Variants in SEC14L6 observed in about 807,000 individuals in gnomAD.
SEC14L6 encodes SEC14-like protein 6.
SEC14L6 carries 40 observed loss-of-function variants against 54.1 expected under a neutral mutation model. The ratio of observed to expected loss-of-function variants is 0.74; its 90% CI spans 0.57 to 0.96. The LOEUF (loss-of-function observed/expected upper bound fraction) is 0.96, where lower values mean the gene tolerates loss of function less well. Among genes scored for constraint, SEC14L6 ranks in the 40% least tolerant of loss-of-function variants. The pLI is 0.00. For missense variants in SEC14L6, 471 were observed against 498.3 expected, an observed-to-expected ratio of 0.95 and a Z score of 0.52; for synonymous variants, 171 against 198.4, an observed-to-expected ratio of 0.86 and a Z score of 1.16.
rs964589584 is a variant in SEC14L6, at chr22:30,529,131, G to A, written c.620C>T (p.Ser207Phe). 1.4e-5 allele frequency: 21 copies of A among 1,551,206 alleles called. No homozygotes were observed. Among genetic ancestry groups the A allele is most frequent in the Middle Eastern group, 3.3e-4 (2 of 6,012 alleles). Residue 207 changes from serine (S) to phenylalanine (F), a missense_variant, in exon 8 of 12, where the codon TCT becomes TTT. Physicochemically the swap from Ser to Phe is radical, Grantham distance 155. Coordinates refer to ENST00000402034, the MANE Select transcript of SEC14L6 (RefSeq NM_001193336.4). ...LFAVAFNLVK[S>F]YMSEETRRKV... is the part of the protein sequence containing the mutation. ...CCTGCGTGTCTCTTCACTCATGTAA[G>A]ACTTGACCAGGTTGAAGGCTACGGC...
intron 2 of SEC14L6, among the ~76,000 whole-genome samples, chr22:30,536,097 A>G (rs1057311649): frequency 6.6e-6 from 1 of 151,976 alleles, no homozygotes; most frequent in Non-Finnish European, 1.5e-5. Context: ...CCTGGACTCA[A>G]TCAATCCTCC....
chr22:30,544,337 C>T (rs2085776637), intron 1 of SEC14L6: 2 of 354,106 alleles, frequency 5.6e-6, no homozygotes, highest in Non-Finnish European at 1.0e-5. Context: ...TGGGAAGCGG[C>T]CAGAACTGCC....
At chr22:30,538,746 A>G in intron 2 of SEC14L6, 81 bp downstream of exon 2, 1 of 914,474 alleles carries the variant, frequency 1.1e-6, no homozygotes, top group Non-Finnish European at 1.7e-6. Flanking sequence ...GTTTTGGAGT[A>G]ATTTGATACA....
At chr22:30,537,988 A>G (rs1393296078) in intron 2 of SEC14L6, among the ~76,000 whole-genome samples, 3 of 152,176 alleles carry the variant, frequency 2.0e-5, no homozygotes, top group Admixed American at 1.3e-4. Context: ...TCTGTCTTTG[A>G]CAGTTCCCTC....
chr22:30,536,161 C>T (rs2085596526), intron 2 of SEC14L6, among the ~76,000 whole-genome samples: 1 of 152,068 alleles, frequency 6.6e-6, no homozygotes, highest in South Asian at 2.1e-4. Context: ...CTAGCCCAGC[C>T]TTGTCATAAG....
intron 2 of SEC14L6, 63 bp from the exon 3 acceptor site, chr22:30,534,102 G>C: frequency 6.7e-7 from 1 of 1,492,678 alleles, no homozygotes; most frequent in East Asian, 2.5e-5. Flanking sequence ...CTTCTGGAGA[G>C]ACAACGGCCC....
rs1936652197 is a variant in SEC14L6 at position 30,522,904 on chromosome 22, T to C, written c.*2093A>G. On this transcript the variant is annotated 3_prime_UTR_variant, in exon 12 of 12. Transcript: ENST00000402034. ...AGTGTGGTCCATCCATACAGTGGTATATTACTCAGCAACGAAAAGCAACTA... is the reference window on the plus strand; with the variant it reads ...AGTGTGGTCCATCCATACAGTGGTACATTACTCAGCAACGAAAAGCAACTA... The C allele has an allele frequency of 6.6e-6, 1 of 152,214 alleles. No individual in the cohort carries two copies. The highest frequency in any genetic ancestry group is 1.5e-5 in the Non-Finnish European group (1 of 68,052). The allele number at this position is 152,214 out of a possible 1,614,324, so 9.4% of individuals were successfully genotyped here. A position where few individuals can be genotyped will look rare whatever the true frequency, so the allele number is the denominator to read the frequency against.
intron 2 of SEC14L6, among the ~76,000 whole-genome samples, chr22:30,537,102 T>C (rs1182916790): frequency 2.7e-5 from 4 of 150,820 alleles, no homozygotes; most frequent in Non-Finnish European, 5.9e-5. Context: ...GCTCAAAATA[T>C]GAAAGTATTT....
chr22:30,542,124 C>A (rs1465732536), intron 1 of SEC14L6, among the ~76,000 whole-genome samples: 1 of 152,180 alleles, frequency 6.6e-6, no homozygotes, highest in Non-Finnish European at 1.5e-5. Flanking sequence ...CTGCCCACAC[C>A]GCGACCCTCC....
chr22:30,531,803 T>C, intron 6 of SEC14L6, 100 bp downstream of exon 6: 6 of 790,310 alleles, frequency 7.6e-6, no homozygotes, highest in Non-Finnish European at 1.0e-5. Context: ...CACCTGGCAG[T>C]GAGGAGAGAG....
At chr22:30,529,768 TG>T (rs963478961) in intron 6 of SEC14L6, among the ~76,000 whole-genome samples, 6 of 151,566 alleles carry the variant, frequency 4.0e-5, no homozygotes, top group African/African-American at 1.2e-4. Context: ...GACAGATGAG[TG>T]GGGGGATAAC....
chr22:30,546,627 A>G lies in SEC14L6; in HGVS notation c.54+2T>C, dbSNP rs1195842197. 3 of 1,550,100 alleles carry G rather than the reference A, an allele frequency of 1.9e-6. No homozygotes were observed. The highest frequency in any genetic ancestry group is 1.7e-6 in the Non-Finnish European group (2 of 1,146,862). On this transcript the variant is annotated splice_donor_variant, in intron 1 of 11. Transcript: ENST00000402034. LOFTEE classifies it high-confidence loss of function. ...GGTGTAGGAGTCTCTCCCTTCACTC[A>G]CCTGGGCCAGCGACTTCTCCTGCGA...
At chr22:30,531,822 C>T in intron 6 of SEC14L6, 81 bp downstream of exon 6, 1 of 1,001,174 alleles carries the variant, frequency 1.0e-6, no homozygotes, top group Non-Finnish European at 1.5e-6. Context: ...AGGATTCCCG[C>T]CCCTGCCCCA....
intron 2 of SEC14L6, among the ~76,000 whole-genome samples, chr22:30,537,116 C>A (rs569223163): frequency 1.3e-5 from 2 of 151,954 alleles, no homozygotes; most frequent in African/African-American, 4.8e-5. Context: ...AGTATTTCCA[C>A]TCCTTGTACT....
chr22:30,544,796 G>A (rs1398757120), intron 1 of SEC14L6, among the ~76,000 whole-genome samples: 1 of 152,172 alleles, frequency 6.6e-6, no homozygotes, highest in Non-Finnish European at 1.5e-5. Flanking sequence ...TGCCCCTCCA[G>A]CTAGCACTAA....
At chr22:30,532,444 G>C in intron 5 of SEC14L6, 81 bp downstream of exon 5, 5 of 1,421,158 alleles carry the variant, frequency 3.5e-6, no homozygotes, top group Non-Finnish European at 4.7e-6. Context: ...CAGGAGCCCA[G>C]GAAGGCAGAT....
At position 30,538,916 on chromosome 22, in the gene SEC14L6, G is replaced by A. The variant is rs1254627693; in HGVS notation, c.55-14C>T. 1.9e-6 allele frequency: 3 copies of A among 1,546,854 alleles called. No individual in the cohort carries two copies. The Admixed American group carries it at 5.9e-5, about 30-fold the overall frequency. On this transcript the variant is annotated splice_polypyrimidine_tract_variant and intron_variant, in intron 1 of 11. Transcript: ENST00000402034. ...GTTCTCCCGGAACTGAGGACAGACA[G>A]GGAGAGACCTGGGTCAGAGGCCAAC...
chr22:30,525,308 T>A, intron 11 of SEC14L6, 42 bp downstream of exon 11: 1 of 1,599,968 alleles, frequency 6.3e-7, no homozygotes, highest in Non-Finnish European at 8.5e-7. Flanking sequence ...ACCCTCCCCC[T>A]AGCCCCCAGC....
At chr22:30,538,264 C>T (rs995147979) in intron 2 of SEC14L6, among the ~76,000 whole-genome samples, 8 of 150,268 alleles carry the variant, frequency 5.3e-5, no homozygotes, top group African/African-American at 1.7e-4. Flanking sequence ...ATCTGAGAGG[C>T]GGAGGTTGCA....
Sources: gnomAD v4.1 joint callset for allele counts (sites outside exome capture counted in the v4.1 genomes callset) on GRCh38, gnomAD v4.1.1 for gene constraint, MANE v1.5 for transcripts, NCBI Gene and HGNC (gene_info 2026-07-23, HGNC 2026-07-21) for gene names.